SDCCAG8: variants seen among roughly 807,000 people sequenced by gnomAD.
SDCCAG8 encodes the protein SHH signaling and ciliogenesis regulator SDCCAG8.
In SDCCAG8, 74 loss-of-function variants were observed where a neutral mutation model predicts 101.8. The ratio of observed to expected loss-of-function variants is 0.73; its 90% CI spans 0.60 to 0.88. The LOEUF is 0.88. Ranked by LOEUF, SDCCAG8 falls within the 40% of genes least tolerant of loss-of-function variation. The probability of loss-of-function intolerance (pLI) is 0.00; values close to 1 mark genes in which losing one functional copy is unlikely to be tolerated. For synonymous variants in SDCCAG8, 281 were observed against 292.9 expected (o/e 0.96, Z 0.41); for missense variants, 787 against 822.6 (o/e 0.96, Z 0.53).
chr1:243,348,202 A>ATTTTTTTTTT (rs74162279), intron 12 of SDCCAG8, among the ~76,000 whole-genome samples: 32 of 131,630 alleles, frequency 2.4e-4, no homozygotes, highest in African/African-American at 5.8e-4. Flanking sequence ...CGCCCGGCTA[A>ATTTTTTTTTT]TTTTTTTTTT....
intron 13 of SDCCAG8, among the ~76,000 whole-genome samples, chr1:243,393,473 C>G (rs1288583465): frequency 6.8e-6 from 1 of 146,694 alleles, no homozygotes; most frequent in Non-Finnish European, 1.5e-5. Context: ...CAATGTCTTT[C>G]CCATCTACAG....
chr1:243,489,563 G>A (rs1665871910), intron 17 of SDCCAG8, among the ~76,000 whole-genome samples: 1 of 152,196 alleles, frequency 6.6e-6, no homozygotes, highest in Non-Finnish European at 1.5e-5. Flanking sequence ...TAGCAAAGTC[G>A]TCTTGAATGG....
intron 16 of SDCCAG8, among the ~76,000 whole-genome samples, chr1:243,472,365 C>G (rs942577271): frequency 6.6e-6 from 1 of 152,116 alleles, no homozygotes; most frequent in South Asian, 2.1e-4. Context: ...CTGGTCAGTA[C>G]CTGGTGGGCA....
chr1:243,443,565 T>A lies in SDCCAG8; in HGVS notation c.1985+17007T>A, dbSNP rs2082688050. 2.0e-5 allele frequency among the ~76,000 whole-genome samples: 3 copies of A among 152,210 alleles called. No homozygotes were observed. The South Asian group carries it at 6.2e-4, about 31-fold the overall frequency. ...TCGCAAGGCAGCTAGACCCCACCAG[T>A]GTGCCTGAATCCTCCACAGTTCTCA... On this transcript the variant is annotated intron_variant, in intron 16 of 17. Transcript: ENST00000366541.
intron 16 of SDCCAG8, among the ~76,000 whole-genome samples, chr1:243,439,198 G>A (rs1322689554): frequency 6.6e-6 from 1 of 151,900 alleles, no homozygotes; most frequent in African/African-American, 2.4e-5. Context: ...CTGTCACCCA[G>A]GCTGGGGTGC....
chr1:243,441,689 A>G (rs963607315), intron 16 of SDCCAG8, among the ~76,000 whole-genome samples: 1 of 152,254 alleles, frequency 6.6e-6, no homozygotes, highest in Non-Finnish European at 1.5e-5. Context: ...ATATGTAAAT[A>G]TAGGTACAGA....
chr1:243,340,257 A>G (rs1404785923), intron 10 of SDCCAG8, among the ~76,000 whole-genome samples: 1 of 152,192 alleles, frequency 6.6e-6, no homozygotes, highest in African/African-American at 2.4e-5. Context: ...AGGTATATAT[A>G]CTGAGATTGT....
At chr1:243,435,680 A>G (rs753268477) in intron 16 of SDCCAG8, among the ~76,000 whole-genome samples, 7 of 152,114 alleles carry the variant, frequency 4.6e-5, no homozygotes, top group Non-Finnish European at 1.0e-4. Context: ...ATGGAACGAC[A>G]TTTTGGACCA....
intron 17 of SDCCAG8, among the ~76,000 whole-genome samples, chr1:243,492,602 CTGTT>C (rs1354883274): frequency 2.7e-5 from 3 of 111,340 alleles, no homozygotes; most frequent in Admixed American, 1.1e-4. Flanking sequence ...CTGCGCCCAG[CTGTT>C]TTTTTTTTTT....
At chr1:243,318,195 C>A in intron 9 of SDCCAG8, 1 of 399,206 alleles carries the variant, frequency 2.5e-6, no homozygotes. Flanking sequence ...GAGATCCGAT[C>A]TTTTGCAGGA....
intron 16 of SDCCAG8, among the ~76,000 whole-genome samples, chr1:243,443,747 T>C (rs1574074649): frequency 1.3e-5 from 2 of 152,326 alleles, no homozygotes; most frequent in Non-Finnish European, 2.9e-5. Flanking sequence ...TGTGTCTGTC[T>C]GTTTCCATAA....
intron 6 of SDCCAG8, among the ~76,000 whole-genome samples, chr1:243,304,050 G>C (rs2071829510): frequency 6.6e-6 from 1 of 151,318 alleles, no homozygotes; most frequent in Non-Finnish European, 1.5e-5. Flanking sequence ...TCCAGCCTTG[G>C]TGATAGAGTG....
chr1:243,264,921 T>C lies in SDCCAG8; in HGVS notation c.68-5184T>C, dbSNP rs989059321. 3.3e-5 allele frequency among the ~76,000 whole-genome samples: 5 copies of C among 152,170 alleles called. No homozygotes were observed. In the East Asian group the frequency reaches 9.6e-4, roughly 29 times the overall value. ...GAAGAGGAAATGAGTGTGTTCTCTCTCTTGGTTAGAAACAGATAAAGCTGT... is the reference window on the plus strand; with the variant it reads ...GAAGAGGAAATGAGTGTGTTCTCTCCCTTGGTTAGAAACAGATAAAGCTGT... On this transcript the variant is annotated intron_variant, in intron 1 of 17. Transcript: ENST00000366541.
chr1:243,433,579 C>G (rs1275177645), intron 16 of SDCCAG8, among the ~76,000 whole-genome samples: 5 of 152,268 alleles, frequency 3.3e-5, no homozygotes, highest in Admixed American at 6.5e-5. Flanking sequence ...GCAGGCTAGA[C>G]AGGAGTTGGC....
intron 1 of SDCCAG8, among the ~76,000 whole-genome samples, chr1:243,266,253 T>C (rs73118306): frequency 0.053 from 8,002 of 152,134 alleles, 692 homozygotes; most frequent in African/African-American, 0.18. Context: ...TCAAAAAAAG[T>C]ATAAAACATA....
intron 15 of SDCCAG8, 149 bp downstream of exon 15, chr1:243,418,225 G>A: frequency 4.6e-6 from 3 of 656,978 alleles, no homozygotes; most frequent in Non-Finnish European, 8.1e-6. Context: ...TCTACATATG[G>A]ACATTTTCTT....
intron 9 of SDCCAG8, among the ~76,000 whole-genome samples, chr1:243,327,359 A>T (rs945353987): frequency 2.0e-4 from 12 of 59,896 alleles, no homozygotes; most frequent in African/African-American, 5.0e-4. Flanking sequence ...TAAAATTATA[A>T]TTATAATTTT....
At chr1:243,282,259 A>C (rs2149279169) in intron 4 of SDCCAG8, among the ~76,000 whole-genome samples, 1 of 152,156 alleles carries the variant, frequency 6.6e-6, no homozygotes, top group East Asian at 1.9e-4. Context: ...ATTTGCAGTA[A>C]ATATTTATAA....
chr1:243,283,097 C>G (rs1210253363), intron 4 of SDCCAG8, among the ~76,000 whole-genome samples: 1 of 152,168 alleles, frequency 6.6e-6, no homozygotes, highest in Non-Finnish European at 1.5e-5. Context: ...ATCCGCCTGC[C>G]TCGGCCTTCC....
Sources: gnomAD v4.1 joint callset for allele counts (sites outside exome capture counted in the v4.1 genomes callset) on GRCh38, gnomAD v4.1.1 for gene constraint, MANE v1.5 for transcripts, NCBI Gene and HGNC (gene_info 2026-07-23, HGNC 2026-07-21) for gene names.